The following ATR variants were observed in gnomAD, a reference collection of about 807,000 sequenced individuals.
ATR encodes ATR checkpoint kinase.
Under a neutral mutation model 305.3 loss-of-function variants are expected in ATR, and 142 were observed. The ratio of observed to expected loss-of-function variants is 0.47; its 90% CI spans 0.41 to 0.53. The LOEUF (loss-of-function observed/expected upper bound fraction) is 0.53. ATR is among the 20% of genes least tolerant of loss of function. The pLI, the probability that ATR is intolerant of heterozygous loss-of-function variation, is 0.00. For missense variants in ATR, 2,135 were observed against 3,133.1 expected (o/e 0.68, Z 7.60); for synonymous variants, 1,050 against 1,068.1 (o/e 0.98, Z 0.33).
chr3:142,450,180 C>G lies in ATR; in HGVS notation c.7762-578G>C, dbSNP rs951716005. The stretch of plus-strand genomic sequence containing the variant: ...CTGTTGCTGTGCCATCTGCCATCGA[C>G]TTTTCCGCCAAGAGCCTGGACTCCA... On this transcript the variant is annotated intron_variant, in intron 46 of 46. Transcript: ENST00000350721. 110 of 487,326 alleles carry G rather than the reference C, an allele frequency of 2.3e-4. 1 individual carries two copies. Among genetic ancestry groups the G allele is most frequent in the Middle Eastern group, 6.4e-4 (1 of 1,564 alleles). 30.2% of individuals were successfully genotyped at this position (487,326 alleles called of 1,614,324 possible). A position where few individuals can be genotyped will look rare whatever the true frequency, so the allele number is the denominator to read the frequency against.
Position 142,519,732 on chromosome 3 carries a change from T to C in ATR, c.4319A>G (p.His1440Arg), listed in dbSNP as rs1419619777. 1.1e-5 allele frequency: 18 copies of C among 1,614,042 alleles called. No homozygotes were observed. The highest frequency in any genetic ancestry group is 2.7e-5 in the African/African-American group (2 of 74,936). ...CTCAGGAAATCTCCTCCACAATTGGTGACCTGGGCCGTTGGTCTCCATCTC... is the reference window on the plus strand; with the variant it reads ...CTCAGGAAATCTCCTCCACAATTGGCGACCTGGGCCGTTGGTCTCCATCTC... ...CREMETNGPG[H>R]QLWRRFPEHV... Residue 1440 changes from histidine to arginine, a missense_variant, in exon 24 of 47, where the codon CAC (histidine) becomes CGC (arginine). Physicochemically the swap from His to Arg is conservative, Grantham distance 29. Transcript: ENST00000350721.
At chr3:142,465,392 TTATC>T (rs1181713774) in intron 40 of ATR, 152 bp from the exon 41 acceptor site, 1 of 565,262 alleles carries the variant, frequency 1.8e-6, no homozygotes, top group African/African-American at 1.9e-5. Context: ...TTTATTTTAA[TTATC>T]TATGACCTAT....
intron 12 of ATR, 55 bp from the exon 13 acceptor site, chr3:142,553,453 C>G: frequency 6.7e-7 from 1 of 1,501,564 alleles, no homozygotes; most frequent in Non-Finnish European, 9.2e-7. Flanking sequence ...CACACACACA[C>G]ACACATACAC....
Position 142,449,462 on chromosome 3 carries a change from G to C in ATR, c.7902C>G (p.Cys2634Trp). Reference sequence around the variant, plus strand: ...ATGGAGTCCAACCAAGATACATCTGGCATAGTAAGTTTTCATCAGTAGCTT... The same window carrying C: ...ATGGAGTCCAACCAAGATACATCTGCCATAGTAAGTTTTCATCAGTAGCTT... ...IQEATDENLL[C>W]QMYLGWTPYM is the part of the protein sequence containing the mutation. Residue 2634 changes from cysteine to tryptophan, a missense_variant, in exon 47 of 47, where the codon TGC becomes TGG. This residue lies in a region of ATR where 462 missense variants were observed against 887.6 expected (regional missense o/e 0.52). Coordinates refer to ENST00000350721, the MANE Select transcript of ATR (RefSeq NM_001184.4). The C allele has an allele frequency of 6.2e-7, 1 of 1,611,972 alleles. No individual in the cohort carries two copies. Among genetic ancestry groups the C allele is most frequent in the Non-Finnish European group, 8.5e-7 (1 of 1,178,108 alleles).
At chr3:142,556,688 G>A in intron 8 of ATR, 113 bp from the exon 9 acceptor site, 1 of 989,822 alleles carries the variant, frequency 1.0e-6, no homozygotes, top group Non-Finnish European at 1.5e-6. Context: ...ATAAATAAAA[G>A]TCAAGTAACA....
At chr3:142,534,717 T>G (rs1272685499) in intron 21 of ATR, among the ~76,000 whole-genome samples, 1 of 152,198 alleles carries the variant, frequency 6.6e-6, no homozygotes, top group East Asian at 1.9e-4. Flanking sequence ...TCAGTCAAAA[T>G]GTACAATAGT....
At chr3:142,512,144 A>G (rs1309937782) in intron 27 of ATR, 116 bp downstream of exon 27, 1 of 967,410 alleles carries the variant, frequency 1.0e-6, no homozygotes, top group Non-Finnish European at 1.5e-6. Context: ...ACAATAAAAA[A>G]CATGAAGCAA....
chr3:142,450,250 C>T, intron 46 of ATR: 1 of 681,522 alleles, frequency 1.5e-6, no homozygotes, highest in Non-Finnish European at 2.7e-6. Flanking sequence ...TAAAATAACC[C>T]CTACAACAGC....
intron 36 of ATR, among the ~76,000 whole-genome samples, chr3:142,472,739 G>A (rs555406125): frequency 6.6e-6 from 1 of 152,130 alleles, no homozygotes; most frequent in South Asian, 2.1e-4. Flanking sequence ...CTAGGCTAAA[G>A]TGATGCCCCT....
intron 21 of ATR, 51 bp from the exon 22 acceptor site, chr3:142,524,250 T>C (rs776315926): frequency 2.7e-6 from 4 of 1,484,150 alleles, no homozygotes; most frequent in Non-Finnish European, 3.7e-6. Context: ...CAAACTAGTA[T>C]GTTTTCCTGA....
chr3:142,531,161 A>G (rs905182897), intron 21 of ATR, among the ~76,000 whole-genome samples: 8 of 152,168 alleles, frequency 5.3e-5, no homozygotes, highest in Admixed American at 5.2e-4. Context: ...TCTTTATGAT[A>G]TTTCAGGGGC....
intron 14 of ATR, 72 bp from the exon 15 acceptor site, chr3:142,549,745 G>A: frequency 7.0e-7 from 1 of 1,419,148 alleles, no homozygotes; most frequent in Non-Finnish European, 9.8e-7. Flanking sequence ...TAAGCTATGT[G>A]CAAAAATATT....
At chr3:142,555,803 T>A (rs2108469810) in intron 10 of ATR, 74 bp downstream of exon 10, 1 of 1,501,930 alleles carries the variant, frequency 6.7e-7, no homozygotes, top group Non-Finnish European at 9.0e-7. Context: ...AAGGCTTCAG[T>A]CTAATTCTTT....
intron 6 of ATR, 126 bp downstream of exon 6, chr3:142,560,137 T>C (rs2034823599): frequency 1.1e-6 from 1 of 902,880 alleles, no homozygotes; most frequent in Non-Finnish European, 1.8e-6. Context: ...AGAAAATAAA[T>C]TTATTAACTA....
At chr3:142,536,802 G>C (rs2033877802) in intron 19 of ATR, among the ~76,000 whole-genome samples, 1 of 152,150 alleles carries the variant, frequency 6.6e-6, no homozygotes. Flanking sequence ...AATGCTCATT[G>C]TTTTAAGATA....
chr3:142,489,610 C>T (rs1346302722), intron 35 of ATR, among the ~76,000 whole-genome samples: 1 of 152,140 alleles, frequency 6.6e-6, no homozygotes, highest in Non-Finnish European at 1.5e-5. Flanking sequence ...ATATCTATGA[C>T]ATTAATCTAC....
chr3:142,477,101 G>A (rs1291480081), intron 36 of ATR, among the ~76,000 whole-genome samples: 1 of 152,126 alleles, frequency 6.6e-6, no homozygotes, highest in African/African-American at 2.4e-5. Context: ...TCTCCTGCCT[G>A]ATTGCCCTGG....
chr3:142,532,789 T>G (rs985699323), intron 21 of ATR, among the ~76,000 whole-genome samples: 2 of 152,210 alleles, frequency 1.3e-5, no homozygotes, highest in African/African-American at 4.8e-5. Context: ...TCTTAAAGTA[T>G]CTTTTCCTCT....
At chr3:142,541,130 G>T in intron 17 of ATR, 96 bp from the exon 18 acceptor site, 5 of 1,450,950 alleles carry the variant, frequency 3.4e-6, no homozygotes, top group Non-Finnish European at 3.9e-6. Context: ...CAGTATCAGG[G>T]TGTCATCTAT....
Sources: gnomAD v4.1 joint callset for allele counts (sites outside exome capture counted in the v4.1 genomes callset) on GRCh38, gnomAD v4.1.1 for gene constraint, gnomAD v4.1.1 regional missense constraint, MANE v1.5 for transcripts, NCBI Gene and HGNC (gene_info 2026-07-23, HGNC 2026-07-21) for gene names.